Variants in WNK2 observed in about 807,000 individuals in gnomAD.
WNK2 encodes WNK lysine deficient protein kinase 2.
In WNK2, 67 loss-of-function variants were observed where a neutral mutation model predicts 192.1. That is an observed-to-expected ratio of 0.35 (90% CI 0.29 to 0.43). WNK2 has a LOEUF of 0.43. Among genes scored for constraint, WNK2 ranks in the 20% least tolerant of loss-of-function variants. The probability of loss-of-function intolerance (pLI) is 1.00; values close to 1 mark genes in which losing one functional copy is unlikely to be tolerated. For synonymous variants in WNK2, 1,439 were observed against 1,393.9 expected (o/e 1.03, Z -0.72); for missense variants, 2,698 against 3,089.7 (o/e 0.87, Z 3.01).
At chr9:93,268,980 T>C (rs1936401) in intron 19 of WNK2, 1,451,735 of 1,545,262 alleles carry the variant, frequency 0.94, 684,231 homozygotes, top group East Asian at 1. Flanking sequence ...CCCCACCAAG[T>C]AGGTGGCTCG....
intron 2 of WNK2, among the ~76,000 whole-genome samples, chr9:93,216,823 CAACA>C (rs916086414): frequency 2.1e-4 from 30 of 143,850 alleles, no homozygotes; most frequent in East Asian, 6.1e-4. Flanking sequence ...ACAACAACAA[CAACA>C]AACAAACAAA....
chr9:93,300,317 G>GTTTTTTAATGATA, intron 26 of WNK2, 168 bp downstream of exon 26: 1 of 579,216 alleles, frequency 1.7e-6, no homozygotes, highest in South Asian at 2.1e-5. Flanking sequence ...GTCCCCTGGA[G>GTTTTTTAATGATA]CGGCGGCCGC....
chr9:93,263,808 G>A, intron 15 of WNK2, 74 bp downstream of exon 15: 2 of 493,414 alleles, frequency 4.1e-6, no homozygotes, highest in African/African-American at 3.1e-5. Context: ...GTGGGGCCGT[G>A]GCGGGGGTGT....
chr9:93,306,948 CATGCCTCTCGGCCGGGCACT>C, intron 27 of WNK2, 127 bp downstream of exon 27: 8 of 1,198,334 alleles, frequency 6.7e-6, no homozygotes, highest in Non-Finnish European at 8.7e-6. Context: ...GCGCCTGCTC[CATGCCTCTCGGCCGGGCACT>C]GCTTCGCTTC....
chr9:93,297,139 G>A lies in WNK2; in HGVS notation c.5709-714G>A, dbSNP rs796683072. On this transcript the variant is annotated intron_variant, in intron 23 of 29. Transcript: ENST00000427277. ...GTCCTCCCCTCGGCGTCCTCCCCTC[G>A]GCGTCATCCCCTCCCCATCCTCCCC... Among the ~76,000 whole-genome samples the A allele has an allele frequency of 2.0e-4, 20 of 100,432 alleles. No homozygotes were observed. The South Asian group carries it at 8.0e-3, about 40-fold the overall frequency. The allele number at this position is 100,432 out of a possible 152,430, so 65.9% of individuals were successfully genotyped here. A position where few individuals can be genotyped will look rare whatever the true frequency, so the allele number is the denominator to read the frequency against.
At chr9:93,307,045 C>T (rs1203997636) in intron 27 of WNK2, 2 of 598,756 alleles carry the variant, frequency 3.3e-6, no homozygotes, top group Non-Finnish European at 6.0e-6. Context: ...TGTGCGGTCT[C>T]GCCAGTTCAC....
chr9:93,302,172 G>A (rs982137360), intron 26 of WNK2, among the ~76,000 whole-genome samples: 4 of 152,250 alleles, frequency 2.6e-5, no homozygotes, highest in Admixed American at 2.6e-4. Context: ...GGGTCTGTGA[G>A]GAGACCAAGC....
chr9:93,263,777 CATG>C (rs1844690272), intron 15 of WNK2, 43 bp downstream of exon 15: 2 of 310,034 alleles, frequency 6.5e-6, no homozygotes, highest in African/African-American at 5.0e-5. Context: ...GGGGTGGGGG[CATG>C]GTGGGGGTGT....
chr9:93,263,725 C>T lies in WNK2; in HGVS notation c.3570C>T (p.Thr1190=), dbSNP rs1844668162. 1 of 1,497,640 alleles carries T rather than the reference C, an allele frequency of 6.7e-7. No homozygotes were observed. Among genetic ancestry groups the T allele is most frequent in the Non-Finnish European group, 8.9e-7 (1 of 1,125,892 alleles). The allele number at this position is 1,497,640 out of a possible 1,614,324, so 92.8% of individuals were successfully genotyped here. A position where few individuals can be genotyped will look rare whatever the true frequency, so the allele number is the denominator to read the frequency against. Residue 1190 remains threonine (T), a synonymous_variant, in exon 15 of 30, where the codon ACC becomes ACT. Transcript: ENST00000427277. The stretch of plus-strand genomic sequence containing the variant: ...AGAGGGCCAGCCGGCCCCGGCTTAC[C>T]ATCTTGAACGTGAGTGGGCGGGGCG... ...RQERASRPRL[T]ILNVCNTGDK...
At chr9:93,297,327 C>A (rs1320813803) in intron 23 of WNK2, among the ~76,000 whole-genome samples, 3 of 152,208 alleles carry the variant, frequency 2.0e-5, no homozygotes, top group Admixed American at 6.5e-5. Flanking sequence ...TGATGTGGGA[C>A]CTGTGGCAGT....
Position 93,185,009 on chromosome 9 carries a change from C to T in WNK2, c.80C>T (p.Ala27Val). Residue 27 changes from alanine to valine, a missense_variant, in exon 2 of 30, where the codon GCG becomes GTG. Ala to Val is a moderately conservative substitution (Grantham distance 64, BLOSUM62 0). Around this residue, in one of 7 missense-constraint regions of WNK2, gnomAD observed 260 missense variants for 285.6 expected, o/e 0.91. Coordinates refer to ENST00000427277, the MANE Select transcript of WNK2 (RefSeq NM_006648.4). ...CGCGGCGCGGGGCCCGCGGGCATGG[C>T]GGAGCCTCGGGCGAAGGCGGCGCGG... is the stretch of plus-strand genomic sequence containing the variant. Reference protein sequence around the residue: ...PGRGAGPAGMAEPRAKAARPG... With the variant: ...PGRGAGPAGMVEPRAKAARPG... 1 of 1,246,328 alleles carries T rather than the reference C, an allele frequency of 8.0e-7. No individual in the cohort carries two copies. The allele number at this position is 1,246,328 out of a possible 1,614,324, so 77.2% of individuals were successfully genotyped here. A position where few individuals can be genotyped will look rare whatever the true frequency, so the allele number is the denominator to read the frequency against.
rs764366172 is a variant in WNK2, at chr9:93,239,974, A to T, written c.1540A>T (p.Met514Leu). The T allele has an allele frequency of 1.2e-6, 2 of 1,609,356 alleles. No homozygotes were observed. Among genetic ancestry groups the T allele is most frequent in the Non-Finnish European group, 1.7e-6 (2 of 1,177,904 alleles). Reference protein sequence around the residue: ...KETPDEVAQEMIESGFFHESD... With the variant: ...KETPDEVAQELIESGFFHESD... ...GACGCCGGATGAGGTGGCCCAAGAG[A>T]TGGTAAGCAGGACTCAGATGGGGTG... Residue 514 changes from methionine to leucine, a missense_variant and splice_region_variant, in exon 7 of 30, where the codon ATG (methionine) becomes TTG (leucine). Around this residue, in one of 7 missense-constraint regions of WNK2, gnomAD observed 230 missense variants for 501.1 expected, o/e 0.46. Coordinates refer to ENST00000427277, the MANE Select transcript of WNK2 (RefSeq NM_006648.4). The surrounding 1 kb of genome is among the most constrained non-coding windows in gnomAD (Gnocchi z 4.2).
chr9:93,194,933 AAG>A (rs1193897934), intron 2 of WNK2, among the ~76,000 whole-genome samples: 2 of 152,170 alleles, frequency 1.3e-5, no homozygotes, highest in Non-Finnish European at 2.9e-5. Flanking sequence ...ATGAATATTT[AAG>A]TGAAATAAGC....
At chr9:93,225,604 C>G (rs193090964) in intron 2 of WNK2, among the ~76,000 whole-genome samples, 1 of 152,300 alleles carries the variant, frequency 6.6e-6, no homozygotes, top group African/African-American at 2.4e-5. Context: ...GGTACGCCCC[C>G]CTACTTCCCG....
intron 19 of WNK2, 167 bp downstream of exon 19, chr9:93,268,913 G>T: frequency 6.4e-7 from 1 of 1,560,152 alleles, no homozygotes; most frequent in South Asian, 1.2e-5. Flanking sequence ...TCCTATCCTT[G>T]TTTTCTGCTG....
rs765312661 is a variant in WNK2, at chr9:93,256,999, C to T, written c.2242C>T (p.Pro748Ser). 1 of 1,598,528 alleles carries T rather than the reference C, an allele frequency of 6.3e-7. No individual in the cohort carries two copies. Among genetic ancestry groups the T allele is most frequent in the African/African-American group, 1.3e-5 (1 of 74,748 alleles). The part of the protein sequence containing the change: ...TPLPQVLAPQ[P>S]VVPLQPVPPH... ...CCTGCCGCAGGTCCTGGCCCCACAG[C>T]CCGTGGTCCCCCTCCAGCCGGTTCC... The change falls in exon 11 of 30, where the codon CCC (proline) becomes TCC (serine). Residue 748 changes from proline (P) to serine (S), a missense_variant. By Grantham distance (74) the Pro-to-Ser change is moderately conservative. Transcript: ENST00000427277.
intron 19 of WNK2, among the ~76,000 whole-genome samples, chr9:93,279,351 A>C (rs922880728): frequency 6.6e-6 from 1 of 152,226 alleles, no homozygotes; most frequent in Non-Finnish European, 1.5e-5. Context: ...TTATTTTTGT[A>C]TGGATTATTT....
chr9:93,198,338 T>C (rs1005762419), intron 2 of WNK2, among the ~76,000 whole-genome samples: 2 of 152,196 alleles, frequency 1.3e-5, no homozygotes, highest in Non-Finnish European at 2.9e-5. Flanking sequence ...CGGCTGCAGT[T>C]TCCCCAGGCA....
chr9:93,228,096 G>A (rs1225118503), intron 2 of WNK2, among the ~76,000 whole-genome samples: 1 of 151,990 alleles, frequency 6.6e-6, no homozygotes, highest in Admixed American at 6.6e-5. Flanking sequence ...TTGTTTTCTG[G>A]GTTGGCCCCA....
Sources: gnomAD v4.1 joint callset for allele counts (sites outside exome capture counted in the v4.1 genomes callset) on GRCh38, gnomAD v4.1.1 for gene constraint, gnomAD v4.1.1 regional missense constraint, Gnocchi (gnomAD v3.1) non-coding constraint, MANE v1.5 for transcripts, NCBI Gene and HGNC (gene_info 2026-07-23, HGNC 2026-07-21) for gene names.